BMPR2: variants seen among roughly 807,000 people sequenced by gnomAD.
BMPR2 encodes bone morphogenetic protein receptor type-2.
BMPR2 carries 29 observed loss-of-function variants against 100.8 expected under a neutral mutation model. The ratio of observed to expected loss-of-function variants is 0.29; its 90% CI spans 0.21 to 0.39. The LOEUF is 0.39. Ranked by LOEUF, BMPR2 falls within the 10% of genes least tolerant of loss-of-function variation. The probability of loss-of-function intolerance (pLI) is 1.00; values close to 1 mark genes in which losing one functional copy is unlikely to be tolerated. For synonymous variants in BMPR2, 382 were observed against 442.3 expected (o/e 0.86, Z 1.71); for missense variants, 1,011 against 1,274.5 (o/e 0.79, Z 3.15).
intron 1 of BMPR2, among the ~76,000 whole-genome samples, chr2:202,408,939 C>G (rs1027495048): frequency 6.6e-6 from 1 of 152,158 alleles, no homozygotes; most frequent in African/African-American, 2.4e-5. Context: ...TCAGTTGATT[C>G]ATTAATATCA....
At chr2:202,470,757 C>T (rs1160744389) in intron 3 of BMPR2, among the ~76,000 whole-genome samples, 2 of 128,606 alleles carry the variant, frequency 1.6e-5, no homozygotes, top group Non-Finnish European at 3.1e-5. Flanking sequence ...GGCGACAGAG[C>T]GAGACTCCGT....
rs188632455 is a variant in BMPR2 at position 202,482,707 on chromosome 2, T to G, written c.418+15018T>G. On this transcript the variant is annotated intron_variant, in intron 3 of 12. Coordinates refer to ENST00000374580, the MANE Select transcript of BMPR2 (RefSeq NM_001204.7). ...GCACCCGCCACTATGTCCAGCTAAT[T>G]TTTTTGTATTTTTAGTAGAGACAGG... 2.5e-3 allele frequency among the ~76,000 whole-genome samples: 377 copies of G among 152,126 alleles called. 1 individual carries two copies. The highest frequency in any genetic ancestry group is 8.7e-3 in the African/African-American group (359 of 41,498).
At chr2:202,458,441 G>A (rs1178206728) in intron 1 of BMPR2, among the ~76,000 whole-genome samples, 2 of 152,002 alleles carry the variant, frequency 1.3e-5, no homozygotes, top group Non-Finnish European at 2.9e-5. Flanking sequence ...CTGCACTCAA[G>A]CTGGGCAATA....
intron 1 of BMPR2, among the ~76,000 whole-genome samples, chr2:202,377,751 C>T (rs1261987426): frequency 6.6e-6 from 1 of 152,240 alleles, no homozygotes; most frequent in Non-Finnish European, 1.5e-5. Context: ...ATTTTCCTAT[C>T]CCCACTTCCA....
chr2:202,457,811 C>T (rs969168268), intron 1 of BMPR2, among the ~76,000 whole-genome samples: 9 of 152,184 alleles, frequency 5.9e-5, no homozygotes, highest in African/African-American at 1.9e-4. Context: ...CTCACTGCAG[C>T]CTCCGCCTCT....
chr2:202,525,816 C>T (rs1050525043), intron 7 of BMPR2, among the ~76,000 whole-genome samples: 3 of 148,766 alleles, frequency 2.0e-5, no homozygotes, highest in Admixed American at 6.7e-5. Flanking sequence ...CTGTGGTCTT[C>T]CTCACCTTTC....
rs190854094 is a variant in BMPR2, at chr2:202,522,060, G to A, written c.967+1859G>A. Among the ~76,000 whole-genome samples the A allele has an allele frequency of 7.1e-4, 108 of 152,260 alleles. No individual in the cohort carries two copies. The East Asian group carries it at 0.017, about 24-fold the overall frequency. ...CATAATCTGAGCTACTTGGATGGCT[G>A]AGGTGGGAGGATTGCTTGAGTCCAG... On this transcript the variant is annotated intron_variant, in intron 7 of 12. Transcript: ENST00000374580.
intron 12 of BMPR2, among the ~76,000 whole-genome samples, 159 bp downstream of exon 12, chr2:202,556,690 T>C (rs571951964): frequency 6.6e-6 from 1 of 152,336 alleles, no homozygotes; most frequent in Admixed American, 6.5e-5. Flanking sequence ...CTCACACCTG[T>C]AATCCTAGCA....
At chr2:202,463,846 T>G (rs1293086242) in intron 1 of BMPR2, among the ~76,000 whole-genome samples, 1 of 152,136 alleles carries the variant, frequency 6.6e-6, no homozygotes, top group Non-Finnish European at 1.5e-5. Flanking sequence ...GTTATTATAT[T>G]GATAATTTGA....
chr2:202,525,531 A>G (rs1687893620), intron 7 of BMPR2, among the ~76,000 whole-genome samples: 2 of 152,022 alleles, frequency 1.3e-5, no homozygotes, highest in South Asian at 4.2e-4. Flanking sequence ...ATTGTCCATC[A>G]TGCCAGTCAG....
intron 3 of BMPR2, among the ~76,000 whole-genome samples, chr2:202,473,879 G>A (rs577007653): frequency 6.6e-6 from 1 of 152,150 alleles, no homozygotes; most frequent in Non-Finnish European, 1.5e-5. Flanking sequence ...GGCCGAGGCA[G>A]GCGGATCATG....
At chr2:202,542,567 ATC>A in intron 10 of BMPR2, 120 bp downstream of exon 10, 6 of 1,198,272 alleles carry the variant, frequency 5.0e-6, no homozygotes, top group Non-Finnish European at 7.0e-6. Flanking sequence ...AATGCCACAA[ATC>A]AAACTTGATT....
rs770122502 is a variant in BMPR2 at position 202,559,814 on chromosome 2, G to A, written c.2985G>A (p.Ser995=). The A allele has an allele frequency of 1.2e-5, 20 of 1,613,912 alleles. No homozygotes were observed. The highest frequency in any genetic ancestry group is 3.3e-4 in the Middle Eastern group (2 of 6,080). Residue 995 remains serine (S), a synonymous_variant, in exon 13 of 13, where the codon TCG becomes TCA. Coordinates refer to ENST00000374580, the MANE Select transcript of BMPR2 (RefSeq NM_001204.7). ...RPSTWVISTE[S]LDCEVNNNGS... ...CCACCTGGGTCATCTCCACTGAATC[G>A]CTGGACTGTGAAGTCAACAATAATG...
intron 1 of BMPR2, among the ~76,000 whole-genome samples, chr2:202,435,815 T>C (rs1488147711): frequency 6.6e-6 from 1 of 150,430 alleles, no homozygotes; most frequent in Non-Finnish European, 1.5e-5. Context: ...TTCAGTGGAA[T>C]AGCTATACAA....
In BMPR2 at chr2:202,376,974, C is replaced by T. The variant is rs1690159379; in HGVS notation, c.-501C>T. The T allele has an allele frequency of 1.6e-5, 7 of 447,700 alleles. No individual in the cohort carries two copies. In the East Asian group the frequency reaches 2.3e-4, roughly 15 times the overall value. The allele number at this position is 447,700 out of a possible 1,614,324, so 27.7% of individuals were successfully genotyped here. ...CGAAACTTAAGGAATCCTGCCTTCC[C>T]GGAGCCGCGGGCGATGCGACTAGGG... is the stretch of plus-strand genomic sequence containing the variant. On this transcript the variant is annotated 5_prime_UTR_variant, in exon 1 of 13. Transcript: ENST00000374580.
intron 3 of BMPR2, among the ~76,000 whole-genome samples, chr2:202,497,845 A>ACT (rs1693073989): frequency 6.6e-6 from 1 of 151,870 alleles, no homozygotes; most frequent in Non-Finnish European, 1.5e-5. Flanking sequence ...AAACTCCAGG[A>ACT]CTCTGTTACC....
At chr2:202,554,624 A>C (rs1439423586) in intron 11 of BMPR2, among the ~76,000 whole-genome samples, 1 of 152,162 alleles carries the variant, frequency 6.6e-6, no homozygotes, top group Non-Finnish European at 1.5e-5. Flanking sequence ...ATTGGAGAGC[A>C]GTTCTGAATC....
intron 1 of BMPR2, among the ~76,000 whole-genome samples, chr2:202,382,232 G>C (rs1013302147): frequency 5.3e-5 from 8 of 151,826 alleles, no homozygotes; most frequent in African/African-American, 1.9e-4. Context: ...GTTAATTTTT[G>C]TATTTTTAGT....
At chr2:202,544,502 C>T (rs1688337980) in intron 10 of BMPR2, among the ~76,000 whole-genome samples, 1 of 152,146 alleles carries the variant, frequency 6.6e-6, no homozygotes, top group African/African-American at 2.4e-5. Flanking sequence ...GCTCTAGGCC[C>T]TAGTCTCCAG....
Sources: allele counts gnomAD v4.1 joint callset (sites outside exome capture counted in the v4.1 genomes callset), GRCh38; gene constraint gnomAD v4.1.1; transcripts MANE v1.5; gene names NCBI Gene and HGNC (gene_info 2026-07-23, HGNC 2026-07-21).